LRRC52: variants seen among roughly 807,000 people sequenced by gnomAD.
LRRC52 encodes the protein leucine rich repeat containing 52.
In LRRC52, 15 loss-of-function variants were observed where a neutral mutation model predicts 14.7. The observed-to-expected ratio is 1.02, with a 90% CI of 0.68 to 1.58. The LOEUF is 1.58. Among genes scored for constraint, LRRC52 ranks in the 40% most tolerant of loss-of-function variants. The pLI is 0.00. For synonymous variants in LRRC52, 180 were observed against 163.9 expected, an observed-to-expected ratio of 1.10 and a Z score of -0.75; for missense variants, 400 against 387.7, an observed-to-expected ratio of 1.03 and a Z score of -0.27.
At chr1:165,549,655 G>C (rs140779873) in intron 1 of LRRC52, among the ~76,000 whole-genome samples, 4,692 of 152,248 alleles carry the variant, frequency 0.031, 93 homozygotes, top group Middle Eastern at 0.061. Flanking sequence ...AGGAAACAGA[G>C]GTGCAAGAAG....
At chr1:165,549,520 A>G (rs1414942261) in intron 1 of LRRC52, among the ~76,000 whole-genome samples, 4 of 152,256 alleles carry the variant, frequency 2.6e-5, no homozygotes, top group African/African-American at 4.8e-5. Flanking sequence ...GCAAAAATAC[A>G]TGAACTCCTG....
intron 1 of LRRC52, among the ~76,000 whole-genome samples, chr1:165,549,399 A>G (rs1259595431): frequency 6.6e-6 from 1 of 152,184 alleles, no homozygotes; most frequent in Non-Finnish European, 1.5e-5. Flanking sequence ...AGCAATAAAT[A>G]CTTTTGCCCC....
At chr1:165,554,426 G>GATTGTT (rs1553233021) in intron 1 of LRRC52, among the ~76,000 whole-genome samples, 4 of 150,476 alleles carry the variant, frequency 2.7e-5, no homozygotes, top group African/African-American at 9.8e-5. Flanking sequence ...AATGATAGGT[G>GATTGTT]GTTGTTGTTG....
At chr1:165,550,799 C>T (rs575557971) in intron 1 of LRRC52, among the ~76,000 whole-genome samples, 4 of 152,036 alleles carry the variant, frequency 2.6e-5, no homozygotes, top group South Asian at 2.1e-4. Context: ...ATCTAGGATA[C>T]GAGAAACAGA....
chr1:165,544,907 TG>T lies in LRRC52; in HGVS notation c.613del (p.Asp205ThrfsTer6). 6.2e-7 allele frequency: 1 copy of T among 1,613,960 alleles called. No individual in the cohort carries two copies. The highest frequency in any genetic ancestry group is 1.6e-4 in the Middle Eastern group (1 of 6,062). On this transcript the variant is annotated frameshift_variant, in exon 1 of 2. Transcript: ENST00000294818. LOFTEE classifies it low-confidence loss of function (END_TRUNC). ...GCCATCTTCTTAATAGTGTTCCATA[TG>T]GACCCCTCAGGTGAGGGCTTGATTG... is the stretch of plus-strand genomic sequence containing the variant. Reference protein sequence around the residue: ...DFAIFLIVFHMDPSDDLNATC... With the variant: ...DFAIFLIVFHXDPSDDLNATC...
At chr1:165,552,594 A>G (rs1218543138) in intron 1 of LRRC52, among the ~76,000 whole-genome samples, 2 of 152,200 alleles carry the variant, frequency 1.3e-5, no homozygotes, top group Non-Finnish European at 2.9e-5. Flanking sequence ...AGAGGTGTAG[A>G]CATTTGAGAA....
At chr1:165,552,992 T>A (rs1661164782) in intron 1 of LRRC52, among the ~76,000 whole-genome samples, 2 of 152,072 alleles carry the variant, frequency 1.3e-5, no homozygotes, top group African/African-American at 4.8e-5. Flanking sequence ...CCTTACTGAG[T>A]GGGAAGTCCC....
At chr1:165,552,738 T>G (rs1229642066) in intron 1 of LRRC52, among the ~76,000 whole-genome samples, 3 of 152,230 alleles carry the variant, frequency 2.0e-5, no homozygotes, top group Non-Finnish European at 4.4e-5. Flanking sequence ...TTGTCTTCCC[T>G]GATAGACCGG....
intron 1 of LRRC52, among the ~76,000 whole-genome samples, chr1:165,562,273 G>C (rs1226434122): frequency 6.6e-6 from 1 of 152,166 alleles, no homozygotes; most frequent in Non-Finnish European, 1.5e-5. Flanking sequence ...TGAGATATTT[G>C]TAAATAACTT....
chr1:165,550,613 C>T (rs285433), intron 1 of LRRC52, among the ~76,000 whole-genome samples: 1 of 152,168 alleles, frequency 6.6e-6, no homozygotes, highest in Admixed American at 6.5e-5. Flanking sequence ...ATCCTGACAT[C>T]CAAGTTCAAT....
At chr1:165,558,513 G>C (rs1175737010) in intron 1 of LRRC52, among the ~76,000 whole-genome samples, 1 of 152,170 alleles carries the variant, frequency 6.6e-6, no homozygotes, top group Non-Finnish European at 1.5e-5. Flanking sequence ...CAAAAGTAGA[G>C]CTTAGAGCTT....
chr1:165,544,882 G>A lies in LRRC52; in HGVS notation c.586G>A (p.Ala196Thr), dbSNP rs149365089. Residue 196 changes from alanine to threonine, a missense_variant, in exon 1 of 2, where the codon GCC (alanine) becomes ACC (threonine). By Grantham distance (58) the Ala-to-Thr change is moderately conservative (BLOSUM62 0). Coordinates refer to ENST00000294818, the MANE Select transcript of LRRC52 (RefSeq NM_001005214.4). ...WKCNCSFLDF[A>T]IFLIVFHMDP... is the part of the protein sequence containing the mutation. ...GTGCAACTGCTCTTTCCTGGACTTC[G>A]CCATCTTCTTAATAGTGTTCCATAT... 1.4e-5 allele frequency: 23 copies of A among 1,613,882 alleles called. No homozygotes were observed. The highest frequency in any genetic ancestry group is 1.6e-4 in the Middle Eastern group (1 of 6,084).
At position 165,544,453 on chromosome 1, in the gene LRRC52, C is replaced by A. The variant is rs575834588; in HGVS notation, c.157C>A (p.Leu53Met). Residue 53 changes from leucine to methionine, a missense_variant, in exon 1 of 2, where the codon CTG becomes ATG. By Grantham distance (15) the Leu-to-Met change is conservative (BLOSUM62 2). Transcript: ENST00000294818. ...AACCGAATACCCCCTTGACATACCCCTGAACACCCGGAGGCTGTTCCTGAA... is the reference window on the plus strand; with the variant it reads ...AACCGAATACCCCCTTGACATACCCATGAACACCCGGAGGCTGTTCCTGAA... Reference protein sequence around the residue: ...QLTEYPLDIPLNTRRLFLNEN... With the variant: ...QLTEYPLDIPMNTRRLFLNEN... The A allele has an allele frequency of 6.8e-6, 11 of 1,614,178 alleles. No homozygotes were observed. In the African/African-American group the frequency reaches 1.2e-4, roughly 18 times the overall value.
chr1:165,563,550 G>A lies in LRRC52; in HGVS notation c.668G>A (p.Trp223Ter), dbSNP rs775588667. 3 of 1,614,174 alleles carry A rather than the reference G, an allele frequency of 1.9e-6. No homozygotes were observed. Among genetic ancestry groups the A allele is most frequent in the Admixed American group, 3.3e-5 (2 of 60,028 alleles). The change falls in exon 2 of 2, where the codon TGG (tryptophan) becomes TAG (stop). Residue 223 changes from tryptophan (W) to a stop codon, truncating the protein, a stop_gained. Coordinates refer to ENST00000294818, the MANE Select transcript of LRRC52 (RefSeq NM_001005214.4). LOFTEE classifies it low-confidence loss of function (END_TRUNC). ...GTGGAGCCCACAGAGCTGACAGGGTGGCCCATCACCCGGGTGGGGAACCCA... is the reference window on the plus strand; with the variant it reads ...GTGGAGCCCACAGAGCTGACAGGGTAGCCCATCACCCGGGTGGGGAACCCA... ...TCVEPTELTG[W>*]PITRVGNPLR... is the part of the protein sequence containing the mutation.
At chr1:165,556,906 A>G (rs866135238) in intron 1 of LRRC52, among the ~76,000 whole-genome samples, 1 of 152,206 alleles carries the variant, frequency 6.6e-6, no homozygotes, top group Middle Eastern at 3.2e-3. Flanking sequence ...GGGCACCTGT[A>G]GTACGACAGA....
At position 165,563,924 on chromosome 1, in the gene LRRC52, C is replaced by A; in HGVS notation, c.*100C>A. ...TTGGAGCTGTCATAGAGATTGAAAC[C>A]TTCTAGTAAAATAAATAAAATCTCT... On this transcript the variant is annotated 3_prime_UTR_variant, in exon 2 of 2. Transcript: ENST00000294818. The A allele has an allele frequency of 7.9e-7, 1 of 1,259,948 alleles. No individual in the cohort carries two copies. The highest frequency in any genetic ancestry group is 1.1e-6 in the Non-Finnish European group (1 of 902,264). 78.0% of individuals were successfully genotyped at this position (1,259,948 alleles called of 1,614,324 possible). A position where few individuals can be genotyped will look rare whatever the true frequency, so the allele number is the denominator to read the frequency against.
At chr1:165,553,707 G>A (rs1052737398) in intron 1 of LRRC52, among the ~76,000 whole-genome samples, 15 of 152,142 alleles carry the variant, frequency 9.9e-5, no homozygotes, top group Non-Finnish European at 1.6e-4. Context: ...CTTGAAAGGG[G>A]AGTGGCACCC....
chr1:165,549,192 C>A (rs1461564501), intron 1 of LRRC52, among the ~76,000 whole-genome samples: 1 of 152,194 alleles, frequency 6.6e-6, no homozygotes, highest in East Asian at 1.9e-4. Context: ...TTGTCTCAGC[C>A]TGGGCCATGA....
At chr1:165,547,158 C>G (rs75106810) in intron 1 of LRRC52, among the ~76,000 whole-genome samples, 114 of 152,226 alleles carry the variant, frequency 7.5e-4, no homozygotes, top group African/African-American at 2.6e-3. Flanking sequence ...ATAGACTCAC[C>G]TGCCCAAAAT....
Sources: gnomAD v4.1 joint callset for allele counts (sites outside exome capture counted in the v4.1 genomes callset) on GRCh38, gnomAD v4.1.1 for gene constraint, MANE v1.5 for transcripts, NCBI Gene and HGNC (gene_info 2026-07-23, HGNC 2026-07-21) for gene names.